The following TASL variants were observed in gnomAD, a reference collection of about 807,000 sequenced individuals.
TASL encodes the protein TLR adapter interacting with SLC15A4 on the lysosome.
TASL carries 6 observed loss-of-function variants against 12.9 expected under a neutral mutation model. The ratio of observed to expected loss-of-function variants is 0.46; its 90% CI spans 0.25 to 0.92. The LOEUF (loss-of-function observed/expected upper bound fraction) is 0.92, where lower values mean the gene tolerates loss of function less well. Among genes scored for constraint, TASL ranks in the 40% least tolerant of loss-of-function variants. TASL has a pLI of 0.17. For synonymous variants in TASL, 85 were observed against 79.3 expected (o/e 1.07, Z -0.38); for missense variants, 165 against 212.8 (o/e 0.78, Z 1.40).
Position 30,571,282 on chromosome X carries a change from G to GAAAGAA in TASL, c.-2+5464_-2+5469dup, listed in dbSNP as rs1569306133. Among the ~76,000 whole-genome samples, 158 of 68,493 alleles carry GAAAGAA rather than the reference G, an allele frequency of 2.3e-3. 1 individual carries two copies. Among genetic ancestry groups the GAAAGAA allele is most frequent in the Admixed American group, 7.1e-3 (45 of 6,328 alleles). 59.5% of individuals were successfully genotyped at this position (68,493 alleles called of 115,157 possible). ...AGAAAGAAAGAAAGAAAGAAAGAAA[G>GAAAGAA]AAAGAAAGAAAGAAAGAAAGAAAGA... On this transcript the variant is annotated intron_variant, in intron 2 of 2. Coordinates refer to ENST00000378962, the MANE Select transcript of TASL (RefSeq NM_025159.3).
chrX:30,576,384 A>G (rs980261376), intron 2 of TASL, among the ~76,000 whole-genome samples: 1 of 111,498 alleles, frequency 9.0e-6, no homozygotes, highest in South Asian at 3.7e-4. Flanking sequence ...GTGAATATAT[A>G]TATACACATA....
At chrX:30,572,186 T>G (rs1930637531) in intron 2 of TASL, among the ~76,000 whole-genome samples, 1 of 111,965 alleles carries the variant, frequency 8.9e-6, no homozygotes, top group African/African-American at 3.2e-5. Flanking sequence ...ATGTGCAAAT[T>G]CACAACTTAG....
intron 2 of TASL, among the ~76,000 whole-genome samples, chrX:30,572,446 A>ATAT (rs1170044144): frequency 8.9e-6 from 1 of 112,288 alleles, no homozygotes; most frequent in Non-Finnish European, 1.9e-5. Context: ...ATTAACATAT[A>ATAT]TATTAGCTCA....
chrX:30,571,256 G>GAAAGAGAAAGAA (rs1179232270), intron 2 of TASL, among the ~76,000 whole-genome samples: 23 of 36,798 alleles, frequency 6.3e-4, no homozygotes, highest in Admixed American at 8.2e-4. Flanking sequence ...GAGAAAGAAA[G>GAAAGAGAAAGAA]AGAAAGAAAG....
chrX:30,559,462 A>G lies in TASL; in HGVS notation c.894T>C (p.Asn298=). Residue 298 remains asparagine, a synonymous_variant, in exon 3 of 3, where the codon AAT becomes AAC. Coordinates refer to ENST00000378962, the MANE Select transcript of TASL (RefSeq NM_025159.3). ...GGAAGCATCCTCTCTATGGATTTAC[A>G]TTGCTATACTGAGAAATATGGAGAC... The part of the protein sequence containing the change: ...TPSLHISQYS[N]VNP 2 of 1,170,772 alleles carry G rather than the reference A, an allele frequency of 1.7e-6. No homozygotes were observed. Among genetic ancestry groups the G allele is most frequent in the Non-Finnish European group, 2.3e-6 (2 of 874,132 alleles).
intron 2 of TASL, among the ~76,000 whole-genome samples, chrX:30,576,138 A>G (rs1308822383): frequency 8.9e-6 from 1 of 112,292 alleles, no homozygotes; most frequent in African/African-American, 3.2e-5. Flanking sequence ...GATTTAAAAC[A>G]TAAAAAGATT....
chrX:30,566,856 A>T (rs1930504736), intron 2 of TASL, among the ~76,000 whole-genome samples: 2 of 112,375 alleles, frequency 1.8e-5, no homozygotes, highest in African/African-American at 6.4e-5. Context: ...ATAGCTGCTT[A>T]AAATGTGGCT....
intron 2 of TASL, among the ~76,000 whole-genome samples, chrX:30,560,938 G>A (rs1349649503): frequency 9.0e-6 from 1 of 111,249 alleles, no homozygotes; most frequent in African/African-American, 3.3e-5. Context: ...AATGAACAGT[G>A]ATCTAGAAGT....
chrX:30,567,379 A>G (rs766143285), intron 2 of TASL, among the ~76,000 whole-genome samples: 9 of 112,038 alleles, frequency 8.0e-5, no homozygotes, highest in Non-Finnish European at 1.3e-4. Context: ...TAGCTTTTAT[A>G]TAGTCATGAT....
At chrX:30,564,333 C>A (rs900580228) in intron 2 of TASL, among the ~76,000 whole-genome samples, 1 of 110,786 alleles carries the variant, frequency 9.0e-6, no homozygotes, top group African/African-American at 3.3e-5. Context: ...GAAAGAGAGA[C>A]CAGAGAAAAC....
At chrX:30,568,971 A>G (rs1319284366) in intron 2 of TASL, among the ~76,000 whole-genome samples, 3 of 12,939 alleles carry the variant, frequency 2.3e-4, no homozygotes, top group Admixed American at 1.1e-3. Context: ...CGTCCCCAGC[A>G]AAAAAAAAAA....
intron 2 of TASL, among the ~76,000 whole-genome samples, chrX:30,569,618 T>C (rs1478636869): frequency 9.0e-6 from 1 of 111,670 alleles, no homozygotes; most frequent in African/African-American, 3.3e-5. Flanking sequence ...ACTTCTTCTA[T>C]GGGGAGCCTA....
At chrX:30,567,191 G>T (rs1343492328) in intron 2 of TASL, among the ~76,000 whole-genome samples, 2 of 109,098 alleles carry the variant, frequency 1.8e-5, no homozygotes, top group Non-Finnish European at 3.8e-5. Context: ...TGGGAGGATC[G>T]CTTGAGCCCA....
chrX:30,560,615 G>T (rs1930405313), intron 2 of TASL, among the ~76,000 whole-genome samples: 1 of 107,111 alleles, frequency 9.3e-6, no homozygotes, highest in African/African-American at 3.4e-5. Flanking sequence ...TTCCAACATT[G>T]TATCACTGAG....
intron 2 of TASL, among the ~76,000 whole-genome samples, chrX:30,565,685 C>T (rs1284221723): frequency 1.8e-5 from 2 of 111,960 alleles, no homozygotes; most frequent in Non-Finnish European, 3.8e-5. Flanking sequence ...TATGGAACAG[C>T]AAAGACTTAG....
In TASL at chrX:30,559,136, T is replaced by A. The variant is rs1000894437; in HGVS notation, c.*314A>T. ...TTTTGGCCTTTTTGTTTCATCTCAT[T>A]TGACTGTCTTCTTTTTTAATTCCTA... On this transcript the variant is annotated 3_prime_UTR_variant, in exon 3 of 3. Transcript: ENST00000378962. 7 of 183,186 alleles carry A rather than the reference T, an allele frequency of 3.8e-5. No individual in the cohort carries two copies. Among genetic ancestry groups the A allele is most frequent in the Non-Finnish European group, 6.0e-5 (6 of 99,376 alleles). 15.1% of individuals were successfully genotyped at this position (183,186 alleles called of 1,213,427 possible). A position where few individuals can be genotyped will look rare whatever the true frequency, so the allele number is the denominator to read the frequency against.
intron 2 of TASL, among the ~76,000 whole-genome samples, chrX:30,576,238 G>A (rs999875492): frequency 8.9e-6 from 1 of 111,768 alleles, no homozygotes; most frequent in African/African-American, 3.2e-5. Context: ...CCGTGGTGTT[G>A]TAATGTGTTA....
Position 30,576,885 on chromosome X carries a change from A to G in TASL, c.-116-19T>C, listed in dbSNP as rs986426813. The G allele has an allele frequency of 8.9e-6, 1 of 112,347 alleles. No homozygotes were observed. Among genetic ancestry groups the G allele is most frequent in the Admixed American group, 9.5e-5 (1 of 10,564 alleles). 9.3% of individuals were successfully genotyped at this position (112,347 alleles called of 1,213,427 possible). A position where few individuals can be genotyped will look rare whatever the true frequency, so the allele number is the denominator to read the frequency against. ...CACTGACCTATGCAAGAAATGTTAT[A>G]AAATATCAATATAAATATTCTGTCC... On this transcript the variant is annotated intron_variant, in intron 1 of 2. Coordinates refer to ENST00000378962, the MANE Select transcript of TASL (RefSeq NM_025159.3).
chrX:30,567,743 C>G (rs1335171427), intron 2 of TASL, among the ~76,000 whole-genome samples: 1 of 110,857 alleles, frequency 9.0e-6, no homozygotes, highest in Non-Finnish European at 1.9e-5. Context: ...CCAAAAGTTG[C>G]AACACAGCAT....
Sources: gnomAD v4.1 joint callset for allele counts (sites outside exome capture counted in the v4.1 genomes callset) on GRCh38, gnomAD v4.1.1 for gene constraint, MANE v1.5 for transcripts, NCBI Gene and HGNC (gene_info 2026-07-23, HGNC 2026-07-21) for gene names.